DLGAP4: variants seen among roughly 807,000 people sequenced by gnomAD.
The protein encoded by DLGAP4 is DLG associated protein 4, also known as disks large-associated protein 4.
Under a neutral mutation model 86.9 loss-of-function variants are expected in DLGAP4, and 18 were observed. The observed-to-expected ratio is 0.21, with a 90% CI of 0.14 to 0.31. The LOEUF (loss-of-function observed/expected upper bound fraction) is 0.31. DLGAP4 is among the 10% of genes least tolerant of loss of function. DLGAP4 has a pLI of 1.00. For synonymous variants in DLGAP4, 548 were observed against 574.3 expected (o/e 0.95, Z 0.65); for missense variants, 1,085 against 1,362.6 (o/e 0.80, Z 3.21).
At chr20:36,433,565 T>A (rs1448073552) in intron 3 of DLGAP4, among the ~76,000 whole-genome samples, 1 of 151,858 alleles carries the variant, frequency 6.6e-6, no homozygotes, top group Non-Finnish European at 1.5e-5. Context: ...TGGAAGGAGC[T>A]GCTTCTGCAG....
chr20:36,467,363 G>A (rs773169773), intron 7 of DLGAP4, among the ~76,000 whole-genome samples: 2 of 152,184 alleles, frequency 1.3e-5, no homozygotes, highest in Non-Finnish European at 2.9e-5. Flanking sequence ...AGAGGGCATG[G>A]CTGGATGATA....
chr20:36,493,418 G>T (rs895995400), intron 7 of DLGAP4, among the ~76,000 whole-genome samples: 1 of 152,224 alleles, frequency 6.6e-6, no homozygotes, highest in African/African-American at 2.4e-5. Flanking sequence ...TTTGTCAGGG[G>T]CTGTGTGAAT....
Position 36,432,688 on chromosome 20 carries a change from A to G in DLGAP4, c.971A>G (p.His324Arg). ...DKSLLKSKSC[H>R]QGLAYHYLQV... ...AGCCTGCTCAAGTCCAAATCCTGCCACCAGGGTCTAGCCTACCATTACCTG... is the reference window on the plus strand; with the variant it reads ...AGCCTGCTCAAGTCCAAATCCTGCCGCCAGGGTCTAGCCTACCATTACCTG... The change falls in exon 3 of 13, where the codon CAC becomes CGC. Residue 324 changes from histidine to arginine, a missense_variant. By Grantham distance (29) the His-to-Arg change is conservative. Transcript: ENST00000339266. This position sits in a 1 kb window ranked among gnomAD's most constrained non-coding sequence, Gnocchi z 6.5. The G allele has an allele frequency of 1.2e-6, 2 of 1,613,316 alleles. No homozygotes were observed. The highest frequency in any genetic ancestry group is 1.7e-6 in the Non-Finnish European group (2 of 1,179,762).
chr20:36,465,169 C>G (rs2034290179), intron 7 of DLGAP4: 1 of 151,856 alleles, frequency 6.6e-6, no homozygotes, highest in South Asian at 2.1e-4. Context: ...CCCATCCCCC[C>G]CACCCCCGCA....
chr20:36,406,086 G>A (rs2032309705), intron 2 of DLGAP4, among the ~76,000 whole-genome samples: 1 of 152,156 alleles, frequency 6.6e-6, no homozygotes, highest in Admixed American at 6.5e-5. Context: ...TTGGTGGGGA[G>A]TTGGGTGGCA....
chr20:36,333,741 G>A (rs2065293752), intron 1 of DLGAP4, among the ~76,000 whole-genome samples: 5 of 152,242 alleles, frequency 3.3e-5, no homozygotes, highest in Admixed American at 6.5e-5. Context: ...TGGCCTCGAA[G>A]CCCTTCAAGG....
At chr20:36,474,818 C>T (rs2034836708) in intron 7 of DLGAP4, among the ~76,000 whole-genome samples, 1 of 152,210 alleles carries the variant, frequency 6.6e-6, no homozygotes, top group African/African-American at 2.4e-5. Context: ...TCCAAACAAT[C>T]AGCCATTCAT....
chr20:36,359,722 GT>G (rs2030452984), intron 1 of DLGAP4, among the ~76,000 whole-genome samples: 1 of 152,332 alleles, frequency 6.6e-6, no homozygotes, highest in Non-Finnish European at 1.5e-5. Context: ...ACATAGCGGT[GT>G]TCCTAGAGCT....
rs1219390015 is a variant in DLGAP4, at chr20:36,431,161, G to A, written c.-72-485G>A. 1.6e-5 allele frequency among the ~76,000 whole-genome samples: 2 copies of A among 128,466 alleles called. No individual in the cohort carries two copies. The highest frequency in any genetic ancestry group is 2.7e-5 in the African/African-American group (1 of 37,066). The allele number at this position is 128,466 out of a possible 152,430, so 84.3% of individuals were successfully genotyped here. A position where few individuals can be genotyped will look rare whatever the true frequency, so the allele number is the denominator to read the frequency against. ...GGGCCAGCACAGGGTCCTCCCGTGGGAGGTGGACCCTGCCACAGGGACCAT... is the reference window on the plus strand; with the variant it reads ...GGGCCAGCACAGGGTCCTCCCGTGGAAGGTGGACCCTGCCACAGGGACCAT... On this transcript the variant is annotated intron_variant, in intron 2 of 12. Transcript: ENST00000339266. This position sits in a 1 kb window ranked among gnomAD's most constrained non-coding sequence, Gnocchi z 5.1.
At chr20:36,372,789 G>T (rs142890713) in intron 2 of DLGAP4, among the ~76,000 whole-genome samples, 1 of 152,202 alleles carries the variant, frequency 6.6e-6, no homozygotes, top group African/African-American at 2.4e-5. Flanking sequence ...ACTTACATCC[G>T]GCCAGGCAAT....
chr20:36,398,314 G>C (rs773087977), intron 2 of DLGAP4, among the ~76,000 whole-genome samples: 5 of 152,176 alleles, frequency 3.3e-5, no homozygotes, highest in Non-Finnish European at 5.9e-5. Context: ...ACTACTTAAA[G>C]ATGTAAGTGT....
Position 36,528,176 on chromosome 20 carries a change from A to ACTC in DLGAP4, c.*1148_*1150dup, listed in dbSNP as rs983155358. The ACTC allele has an allele frequency of 1.6e-4, 15 of 90,988 alleles. No homozygotes were observed. Among genetic ancestry groups the ACTC allele is most frequent in the African/African-American group, 5.2e-4 (11 of 21,014 alleles). The allele number at this position is 90,988 out of a possible 1,614,324, so 5.6% of individuals were successfully genotyped here. A position where few individuals can be genotyped will look rare whatever the true frequency, so the allele number is the denominator to read the frequency against. The stretch of plus-strand genomic sequence containing the variant: ...CTCCACCCCCCTCCCCCCGCCCCGC[A>ACTC]CTCCTAAGGGCCCATCTGCCCAGCC... On this transcript the variant is annotated 3_prime_UTR_variant, in exon 13 of 13. Coordinates refer to ENST00000339266, the MANE Select transcript of DLGAP4 (RefSeq NM_001365621.2).
At chr20:36,441,359 C>G (rs1042033180) in intron 5 of DLGAP4, among the ~76,000 whole-genome samples, 6 of 152,196 alleles carry the variant, frequency 3.9e-5, no homozygotes. Context: ...CAAATCTTTG[C>G]ACAGCTGGCT....
chr20:36,523,119 C>T (rs117465876), intron 10 of DLGAP4, among the ~76,000 whole-genome samples: 1 of 152,044 alleles, frequency 6.6e-6, no homozygotes, highest in Non-Finnish European at 1.5e-5. Flanking sequence ...GGGTCTCACT[C>T]TGTCCCCCAG....
At chr20:36,407,869 TGC>T (rs2032370597) in intron 2 of DLGAP4, among the ~76,000 whole-genome samples, 2 of 152,032 alleles carry the variant, frequency 1.3e-5, no homozygotes, top group Non-Finnish European at 2.9e-5. Context: ...AGGCCTTGAA[TGC>T]CAGGGAAGCA....
At chr20:36,468,243 C>T (rs570052811) in intron 7 of DLGAP4, among the ~76,000 whole-genome samples, 19 of 152,360 alleles carry the variant, frequency 1.2e-4, no homozygotes, top group African/African-American at 4.6e-4. Context: ...ATGTCCACCA[C>T]TGGGTCTGTT....
At chr20:36,399,054 A>C (rs1473074308) in intron 2 of DLGAP4, among the ~76,000 whole-genome samples, 1 of 152,154 alleles carries the variant, frequency 6.6e-6, no homozygotes, top group South Asian at 2.1e-4. Context: ...TTAGCTAGGC[A>C]TGGTGGTGCA....
chr20:36,425,923 A>T (rs2032961636), intron 2 of DLGAP4, among the ~76,000 whole-genome samples: 2 of 152,220 alleles, frequency 1.3e-5, no homozygotes, highest in Non-Finnish European at 2.9e-5. Flanking sequence ...ACTCAAACAG[A>T]TACTTGGACA....
chr20:36,445,194 C>T (rs182787304), intron 6 of DLGAP4, among the ~76,000 whole-genome samples: 9 of 152,256 alleles, frequency 5.9e-5, no homozygotes, highest in South Asian at 2.1e-4. Flanking sequence ...ATACATGGCT[C>T]ATGGCTGCCA....
Sources: allele counts gnomAD v4.1 joint callset (sites outside exome capture counted in the v4.1 genomes callset), GRCh38; gene constraint gnomAD v4.1.1; non-coding constraint Gnocchi (gnomAD v3.1); transcripts MANE v1.5; gene names NCBI Gene and HGNC (gene_info 2026-07-23, HGNC 2026-07-21).